The following CFAP126 variants were observed in gnomAD, a reference collection of about 807,000 sequenced individuals.
The protein encoded by CFAP126 is cilia and flagella associated protein 126, also known as protein Flattop.
CFAP126 carries 21 observed loss-of-function variants against 17.1 expected under a neutral mutation model. That is an observed-to-expected ratio of 1.23 (90% CI 0.87 to 1.77). The LOEUF is 1.77. Ranked by LOEUF, CFAP126 falls within the 40% of genes most tolerant of loss-of-function variation. The pLI, the probability that CFAP126 is intolerant of heterozygous loss-of-function variation, is 0.00. For synonymous variants in CFAP126, 65 were observed against 73.5 expected, an observed-to-expected ratio of 0.88 and a Z score of 0.59; for missense variants, 174 against 215.4, an observed-to-expected ratio of 0.81 and a Z score of 1.20.
At chr1:161,365,980 T>A in intron 3 of CFAP126, 1 of 613,190 alleles carries the variant, frequency 1.6e-6, no homozygotes, top group Non-Finnish European at 2.9e-6. Flanking sequence ...AGGCTTTCAT[T>A]TATACAGATC....
Position 161,366,440 on chromosome 1 carries a change from T to G in CFAP126, c.89A>C (p.Glu30Ala), listed in dbSNP as rs979827063. ...QNWSPTKPTKESISSHEGYTQ... is the reference protein window; with the variant it reads ...QNWSPTKPTKASISSHEGYTQ... ...GTAGGTGCACTGAACATGGAATACCTCTTTTGTTGGCTTAGTGGGAGACCA... is the reference window on the plus strand; with the variant it reads ...GTAGGTGCACTGAACATGGAATACCGCTTTTGTTGGCTTAGTGGGAGACCA... Residue 30 changes from glutamate to alanine, a missense_variant and splice_region_variant, in exon 2 of 5, where the codon GAG (glutamate) becomes GCG (alanine). Physicochemically the swap from Glu to Ala is moderately radical, Grantham distance 107. Transcript: ENST00000367974. The G allele has an allele frequency of 6.2e-7, 1 of 1,613,536 alleles. No individual in the cohort carries two copies. The highest frequency in any genetic ancestry group is 8.5e-7 in the Non-Finnish European group (1 of 1,179,566).
intron 1 of CFAP126, chr1:161,366,720 A>C: frequency 1.8e-6 from 1 of 561,696 alleles, no homozygotes; most frequent in South Asian, 2.5e-5. Context: ...AAATATGACT[A>C]GTTCAAATTG....
At chr1:161,365,425 T>G (rs1157493763) in intron 4 of CFAP126, 101 bp downstream of exon 4, 6 of 1,387,180 alleles carry the variant, frequency 4.3e-6, no homozygotes, top group Non-Finnish European at 6.1e-6. Context: ...TGGTTAGAGG[T>G]CCCCCATGCT....
At chr1:161,366,650 G>C in intron 1 of CFAP126, 149 bp from the exon 2 acceptor site, 1 of 729,440 alleles carries the variant, frequency 1.4e-6, no homozygotes, top group Non-Finnish European at 2.4e-6. Context: ...TAATTTGTTT[G>C]GTCTAGATGT....
chr1:161,366,781 C>CTT lies in CFAP126; in HGVS notation c.28-282_28-281dup, dbSNP rs200434514. 2.1e-3 allele frequency: 755 copies of CTT among 353,392 alleles called. 1 individual carries two copies. The highest frequency in any genetic ancestry group is 7.9e-3 in the East Asian group (151 of 19,212). 21.9% of individuals were successfully genotyped at this position (353,392 alleles called of 1,614,324 possible). On this transcript the variant is annotated intron_variant, in intron 1 of 4. Coordinates refer to ENST00000367974, the MANE Select transcript of CFAP126 (RefSeq NM_001013625.4). ...CTGAATTTTTAAGTTTTTTTCTTTT[C>CTT]TTTTTTTTTTTGAGATAGGATCTTG...
At chr1:161,366,929 A>G (rs951132477) in intron 1 of CFAP126, 4 of 181,882 alleles carry the variant, frequency 2.2e-5, no homozygotes, top group African/African-American at 9.6e-5. Context: ...GCATGCCACC[A>G]TGTCCAGCTA....
Position 161,366,516 on chromosome 1 carries a change from A to G in CFAP126, c.28-15T>C, listed in dbSNP as rs537379976. 3.1e-6 allele frequency: 5 copies of G among 1,612,782 alleles called. No individual in the cohort carries two copies. Among genetic ancestry groups the G allele is most frequent in the East Asian group, 4.5e-5 (2 of 44,892 alleles). On this transcript the variant is annotated splice_polypyrimidine_tract_variant and intron_variant, in intron 1 of 4. Coordinates refer to ENST00000367974, the MANE Select transcript of CFAP126 (RefSeq NM_001013625.4). ...GCCTTTTCATACTGTGGAGAGAAAG[A>G]TAAGTAGCCCTATGAGACTTCAAGG...
Position 161,365,623 on chromosome 1 carries a change from C to T in CFAP126, c.251G>A (p.Arg84His), listed in dbSNP as rs774310514. 1.4e-5 allele frequency: 23 copies of T among 1,613,960 alleles called. No individual in the cohort carries two copies. In the East Asian group the frequency reaches 2.2e-4, roughly 16 times the overall value. Reference sequence around the variant, plus strand: ...GAGGGAGGCAGCACCAGCAGTTGTACGGGAGGTCAGGGTCACCCGAGCAGG... The same window carrying T: ...GAGGGAGGCAGCACCAGCAGTTGTATGGGAGGTCAGGGTCACCCGAGCAGG... ...IPPARVTLTS[R>H]TTAGAASLTK... The change falls in exon 4 of 5, where the codon CGT becomes CAT. Residue 84 changes from arginine to histidine, a missense_variant. By Grantham distance (29) the Arg-to-His change is conservative. Coordinates refer to ENST00000367974, the MANE Select transcript of CFAP126 (RefSeq NM_001013625.4).
Position 161,367,871 on chromosome 1 carries a change from T to C in CFAP126, c.-3A>G, listed in dbSNP as rs1312490989. ...TTGGCACTGTAGTTAGTGGCCATGA[T>C]CTTGTGCTGTTTACACTCGTTGCTT... On this transcript the variant is annotated 5_prime_UTR_variant, in exon 1 of 5. Transcript: ENST00000367974. 6.2e-7 allele frequency: 1 copy of C among 1,613,044 alleles called. No individual in the cohort carries two copies. Among genetic ancestry groups the C allele is most frequent in the Non-Finnish European group, 8.5e-7 (1 of 1,179,934 alleles).
rs1301538443 is a variant in CFAP126 at position 161,366,278 on chromosome 1, T to C, written c.91A>G (p.Ser31Gly). Residue 31 changes from serine to glycine, a missense_variant and splice_region_variant, in exon 3 of 5, where the codon AGC (serine) becomes GGC (glycine). Transcript: ENST00000367974. Reference sequence around the variant, plus strand: ...GTGTAGCCTTCATGAGAAGAGATGCTCTGGGGTACAAGTGGGAGAGATAAA... The same window carrying C: ...GTGTAGCCTTCATGAGAAGAGATGCCCTGGGGTACAAGTGGGAGAGATAAA... ...NWSPTKPTKESISSHEGYTQI... is the reference protein window; with the variant it reads ...NWSPTKPTKEGISSHEGYTQI... 6.2e-7 allele frequency: 1 copy of C among 1,613,136 alleles called. No homozygotes were observed. Among genetic ancestry groups the C allele is most frequent in the African/African-American group, 1.3e-5 (1 of 74,978 alleles).
chr1:161,365,810 A>G (rs1387717354), intron 3 of CFAP126, 108 bp from the exon 4 acceptor site: 1 of 1,061,120 alleles, frequency 9.4e-7, no homozygotes, highest in Non-Finnish European at 1.4e-6. Context: ...GTTATGAAAC[A>G]AGACTGAAAG....
intron 3 of CFAP126, 55 bp from the exon 4 acceptor site, chr1:161,365,757 A>T: frequency 7.0e-7 from 1 of 1,423,818 alleles, no homozygotes; most frequent in Admixed American, 2.2e-5. Flanking sequence ...TAACTGACTT[A>T]GACCTCTGTA....
At chr1:161,365,963 C>T (rs1672715449) in intron 3 of CFAP126, 5 of 604,998 alleles carry the variant, frequency 8.3e-6, no homozygotes, top group Non-Finnish European at 1.2e-5. Context: ...CAAATGTCAT[C>T]ACCTGAAGGC....
chr1:161,366,895 T>A, intron 1 of CFAP126: 1 of 209,680 alleles, frequency 4.8e-6, no homozygotes, highest in South Asian at 7.4e-5. Context: ...TCCCTCAGAC[T>A]CACAGGTAGC....
intron 4 of CFAP126, 31 bp downstream of exon 4, chr1:161,365,495 G>C: frequency 6.2e-7 from 1 of 1,609,554 alleles, no homozygotes; most frequent in Non-Finnish European, 8.5e-7. Context: ...TGAGACTACA[G>C]GGTTTTGGGT....
chr1:161,364,896 T>A lies in CFAP126; in HGVS notation c.*69A>T. On this transcript the variant is annotated 3_prime_UTR_variant, in exon 5 of 5. Coordinates refer to ENST00000367974, the MANE Select transcript of CFAP126 (RefSeq NM_001013625.4). ...TGGTCCATATGAAGTTCCAGGTTTGTATTTCTGGACCTCAGCTAGATTAGG... is the reference window on the plus strand; with the variant it reads ...TGGTCCATATGAAGTTCCAGGTTTGAATTTCTGGACCTCAGCTAGATTAGG... 1 of 1,460,746 alleles carries A rather than the reference T, an allele frequency of 6.8e-7. No individual in the cohort carries two copies. Among genetic ancestry groups the A allele is most frequent in the South Asian group, 1.2e-5 (1 of 83,900 alleles). The allele number at this position is 1,460,746 out of a possible 1,614,324, so 90.5% of individuals were successfully genotyped here. A position where few individuals can be genotyped will look rare whatever the true frequency, so the allele number is the denominator to read the frequency against.
chr1:161,366,642 ATTTG>A, intron 1 of CFAP126, 141 bp from the exon 2 acceptor site: 1 of 776,480 alleles, frequency 1.3e-6, no homozygotes, highest in Non-Finnish European at 2.2e-6. Context: ...CAAGGGTGTA[ATTTG>A]TTTGGTCTAG....
At chr1:161,366,650 G>A (rs1287760426) in intron 1 of CFAP126, 149 bp from the exon 2 acceptor site, 5 of 729,320 alleles carry the variant, frequency 6.9e-6, no homozygotes, top group Non-Finnish European at 1.2e-5. Context: ...TAATTTGTTT[G>A]GTCTAGATGT....
intron 3 of CFAP126, 142 bp downstream of exon 3, chr1:161,366,056 G>A (rs557155796): frequency 3.2e-5 from 24 of 743,756 alleles, no homozygotes; most frequent in Admixed American, 1.7e-4. Context: ...TAAGCTGGCC[G>A]GAAGTTCAGG....
Sources: allele counts gnomAD v4.1 joint callset, GRCh38; gene constraint gnomAD v4.1.1; transcripts MANE v1.5; gene names NCBI Gene and HGNC (gene_info 2026-07-23, HGNC 2026-07-21).